The following ARHGAP26 variants were observed in gnomAD, a reference collection of about 807,000 sequenced individuals.
The protein encoded by ARHGAP26 is rho GTPase-activating protein 26.
In ARHGAP26, 38 loss-of-function variants were observed where a neutral mutation model predicts 104.8. The observed-to-expected ratio is 0.36, with a 90% CI of 0.28 to 0.48. The LOEUF (loss-of-function observed/expected upper bound fraction) is 0.48. ARHGAP26 is among the 20% of genes least tolerant of loss of function. The pLI is 0.99. For missense variants in ARHGAP26, 704 were observed against 947.9 expected, an observed-to-expected ratio of 0.74 and a Z score of 3.38; for synonymous variants, 341 against 340.0, an observed-to-expected ratio of 1.00 and a Z score of -0.03.
intron 3 of ARHGAP26, among the ~76,000 whole-genome samples, chr5:142,876,810 T>G (rs1342826244): frequency 1.3e-5 from 2 of 150,622 alleles, no homozygotes; most frequent in Non-Finnish European, 1.5e-5. Context: ...AAAGGATTTC[T>G]TTAAAACTCC....
intron 7 of ARHGAP26, among the ~76,000 whole-genome samples, chr5:142,902,832 T>A (rs1760554334): frequency 6.6e-6 from 1 of 152,208 alleles, no homozygotes; most frequent in Admixed American, 6.5e-5. Context: ...ATGCAGGCTC[T>A]GAAATCGAGA....
chr5:142,797,432 C>T (rs1258623250), intron 1 of ARHGAP26, among the ~76,000 whole-genome samples: 1 of 152,214 alleles, frequency 6.6e-6, no homozygotes, highest in Non-Finnish European at 1.5e-5. Flanking sequence ...AGCTGTCCCT[C>T]AAAGGTGACT....
intron 11 of ARHGAP26, among the ~76,000 whole-genome samples, chr5:142,955,124 ACCC>A (rs869285548): frequency 6.7e-6 from 1 of 149,148 alleles, no homozygotes; most frequent in Admixed American, 6.7e-5. Context: ...ACACACACAC[ACCC>A]CCCATCTCTG....
intron 11 of ARHGAP26, among the ~76,000 whole-genome samples, chr5:142,986,643 A>C (rs1562208855): frequency 1.3e-5 from 2 of 152,248 alleles, no homozygotes; most frequent in African/African-American, 4.8e-5. Flanking sequence ...TTTAGGTCCA[A>C]CATTTAAGTC....
intron 11 of ARHGAP26, among the ~76,000 whole-genome samples, chr5:142,971,613 A>G (rs1467669661): frequency 6.6e-6 from 1 of 152,160 alleles, no homozygotes. Context: ...ACGGAGGCTG[A>G]TGACACCTTT....
At chr5:143,219,128 A>C (rs1380330503) in intron 22 of ARHGAP26, among the ~76,000 whole-genome samples, 1 of 152,250 alleles carries the variant, frequency 6.6e-6, no homozygotes, top group Non-Finnish European at 1.5e-5. Context: ...TAGAGGCCTG[A>C]TACAGTGGGA....
At chr5:142,973,383 A>C (rs768423643) in intron 11 of ARHGAP26, among the ~76,000 whole-genome samples, 2 of 152,218 alleles carry the variant, frequency 1.3e-5, no homozygotes, top group Non-Finnish European at 2.9e-5. Flanking sequence ...CTTCTTGAAT[A>C]ATGTGATCTC....
Position 143,037,274 on chromosome 5 carries a change from A to C in ARHGAP26, c.1210+13A>C. 2 of 1,584,714 alleles carry C rather than the reference A, an allele frequency of 1.3e-6. No individual in the cohort carries two copies. The highest frequency in any genetic ancestry group is 1.7e-6 in the Non-Finnish European group (2 of 1,158,318). On this transcript the variant is annotated intron_variant, in intron 13 of 22. Coordinates refer to ENST00000645722, the MANE Select transcript of ARHGAP26 (RefSeq NM_001135608.3). ...GTGGAAACCAGAGGTAAAGTAGTTT[A>C]ACAGATGGCATTGTTCTCATAGAAG...
At chr5:142,822,612 T>A (rs141131459) in intron 1 of ARHGAP26, among the ~76,000 whole-genome samples, 77 of 152,284 alleles carry the variant, frequency 5.1e-4, no homozygotes, top group Non-Finnish European at 4.3e-4. Flanking sequence ...TATATGTATA[T>A]GTATAATATA....
chr5:142,965,433 CT>C (rs1771157961), intron 11 of ARHGAP26, among the ~76,000 whole-genome samples: 1 of 152,204 alleles, frequency 6.6e-6, no homozygotes, highest in African/African-American at 2.4e-5. Flanking sequence ...CAACGGGCGT[CT>C]TCCCAGACGC....
At position 143,142,435 on chromosome 5, in the gene ARHGAP26, C is replaced by T. The variant is rs572978897; in HGVS notation, c.1838-4796C>T. 1.1e-4 allele frequency among the ~76,000 whole-genome samples: 16 copies of T among 152,084 alleles called. No homozygotes were observed. In the South Asian group the frequency reaches 2.7e-3, roughly 26 times the overall value. On this transcript the variant is annotated intron_variant, in intron 19 of 22. Transcript: ENST00000645722. ...GATTACAAGCATGAGCCACTGCGCC[C>T]GGCCTACTTTTCAACTCAATGTATA...
intron 1 of ARHGAP26, among the ~76,000 whole-genome samples, chr5:142,828,766 C>G (rs997708684): frequency 1.3e-5 from 2 of 152,140 alleles, no homozygotes; most frequent in African/African-American, 4.8e-5. Context: ...GTTGGCAACT[C>G]TCTCCGCATG....
At chr5:143,144,328 G>A (rs1798904412) in intron 19 of ARHGAP26, among the ~76,000 whole-genome samples, 1 of 152,076 alleles carries the variant, frequency 6.6e-6, no homozygotes. Flanking sequence ...CTTCTGTCAG[G>A]AGCAGTACTC....
chr5:142,938,042 C>T (rs1462918971), intron 11 of ARHGAP26, among the ~76,000 whole-genome samples: 1 of 152,070 alleles, frequency 6.6e-6, no homozygotes, highest in Non-Finnish European at 1.5e-5. Flanking sequence ...TACAATCCTA[C>T]ATACACACAG....
chr5:142,777,539 G>A (rs895892316), intron 1 of ARHGAP26, among the ~76,000 whole-genome samples: 1 of 152,202 alleles, frequency 6.6e-6, no homozygotes, highest in African/African-American at 2.4e-5. Flanking sequence ...AGTTTTTCTA[G>A]ATTTAAGTTT....
intron 1 of ARHGAP26, among the ~76,000 whole-genome samples, chr5:142,839,909 G>A (rs1597853808): frequency 6.6e-6 from 1 of 150,880 alleles, no homozygotes; most frequent in Admixed American, 6.6e-5. Flanking sequence ...GGAGGGGAGG[G>A]GAGGGGAGGG....
intron 1 of ARHGAP26, 143 bp downstream of exon 1, chr5:142,771,058 A>T (rs867971317): frequency 1.4e-6 from 2 of 1,384,788 alleles, no homozygotes; most frequent in Non-Finnish European, 1.9e-6. Context: ...CGAGGCAGGA[A>T]GGATACGTAA....
chr5:142,945,739 A>C (rs1767007215), intron 11 of ARHGAP26, among the ~76,000 whole-genome samples: 1 of 152,224 alleles, frequency 6.6e-6, no homozygotes, highest in South Asian at 2.1e-4. Flanking sequence ...AATACTTTCC[A>C]CCCAGATAAC....
At position 142,888,607 on chromosome 5, in the gene ARHGAP26, G is replaced by A. The variant is rs115531612; in HGVS notation, c.486+3208G>A. 7.8e-3 allele frequency among the ~76,000 whole-genome samples: 1,187 copies of A among 152,258 alleles called. 6 individuals are homozygous for A. The highest frequency in any genetic ancestry group is 0.013 in the Non-Finnish European group (889 of 68,020). Reference sequence around the variant, plus strand: ...TTCCCTGATTGCAGGGTTCTGCACGGAATGCTTTTAAATTCCAGCCCATCC... The same window carrying A: ...TTCCCTGATTGCAGGGTTCTGCACGAAATGCTTTTAAATTCCAGCCCATCC... On this transcript the variant is annotated intron_variant, in intron 5 of 22. Transcript: ENST00000645722.
Sources: gnomAD v4.1 joint callset for allele counts (sites outside exome capture counted in the v4.1 genomes callset) on GRCh38, gnomAD v4.1.1 for gene constraint, MANE v1.5 for transcripts, NCBI Gene and HGNC (gene_info 2026-07-23, HGNC 2026-07-21) for gene names.